The following SIK3 variants were observed in gnomAD, a reference collection of about 807,000 sequenced individuals.
The protein encoded by SIK3 is SIK family kinase 3, also known as serine/threonine-protein kinase SIK3.
SIK3 carries 28 observed loss-of-function variants against 144.2 expected under a neutral mutation model. The ratio of observed to expected loss-of-function variants is 0.19; its 90% CI spans 0.14 to 0.27. SIK3 has a LOEUF of 0.27. Among genes scored for constraint, SIK3 ranks in the 10% least tolerant of loss-of-function variants. The pLI, the probability that SIK3 is intolerant of heterozygous loss-of-function variation, is 1.00. For synonymous variants in SIK3, 686 were observed against 676.3 expected (o/e 1.01, Z -0.22); for missense variants, 1,319 against 1,776.0 (o/e 0.74, Z 4.62).
At chr11:116,976,194 A>G (rs1270459427) in intron 1 of SIK3, among the ~76,000 whole-genome samples, 2 of 152,216 alleles carry the variant, frequency 1.3e-5, no homozygotes, top group Non-Finnish European at 2.9e-5. Context: ...CTGCAGAACA[A>G]AAGTTTTTAA....
At chr11:117,063,908 C>A (rs1953907005) in intron 1 of SIK3, among the ~76,000 whole-genome samples, 1 of 151,982 alleles carries the variant, frequency 6.6e-6, no homozygotes, top group Non-Finnish European at 1.5e-5. Flanking sequence ...AAAAGACAAA[C>A]CTTGTTGGTA....
chr11:116,951,680 A>G (rs1363991283), intron 3 of SIK3, among the ~76,000 whole-genome samples: 2 of 152,152 alleles, frequency 1.3e-5, no homozygotes, highest in Admixed American at 1.3e-4. Context: ...CATGCCTATA[A>G]TCCCAACACT....
chr11:117,022,971 T>A (rs922937929), intron 1 of SIK3, among the ~76,000 whole-genome samples: 41 of 152,274 alleles, frequency 2.7e-4, no homozygotes, highest in African/African-American at 9.9e-4. Context: ...CAAGGGTTAA[T>A]ATAATAAAAA....
At chr11:116,848,922 C>T (rs1942208083) in intron 22 of SIK3, among the ~76,000 whole-genome samples, 198 bp downstream of exon 22, 1 of 152,160 alleles carries the variant, frequency 6.6e-6, no homozygotes, top group South Asian at 2.1e-4. Context: ...GATATCGCGC[C>T]ACTGTCCTCC....
chr11:116,931,543 C>T (rs1388525338), intron 3 of SIK3, among the ~76,000 whole-genome samples: 1 of 152,168 alleles, frequency 6.6e-6, no homozygotes, highest in Non-Finnish European at 1.5e-5. Context: ...TGAAAATGAA[C>T]ATACCCTGAC....
At chr11:117,091,200 CTTTTTTTTTT>C (rs386375011) in intron 1 of SIK3, among the ~76,000 whole-genome samples, 1 of 93,008 alleles carries the variant, frequency 1.1e-5, no homozygotes, top group Non-Finnish European at 2.0e-5. Context: ...TTTTTTTTTT[CTTTTTTTTTT>C]TTTTTTTTTT....
chr11:116,980,413 A>C (rs1950097780), intron 1 of SIK3, among the ~76,000 whole-genome samples: 1 of 152,218 alleles, frequency 6.6e-6, no homozygotes, highest in African/African-American at 2.4e-5. Context: ...GCCTAAAACA[A>C]AACAAAACAA....
rs536178660 is a variant in SIK3 at position 116,858,282 on chromosome 11, T to TTGCTGTTGC, written c.3174_3182dup (p.Gln1059_Gln1061dup). On this transcript the variant is annotated inframe_insertion, in exon 21 of 25. Transcript: ENST00000445177. This position sits in a 1 kb window ranked among gnomAD's most constrained non-coding sequence, Gnocchi z 5.4. Reference sequence around the variant, plus strand: ...TGTGCCTGAACAGTTCCTGGTATTCTTGCTGTTGCTGCTGTTGCTGCTGCT... The same window carrying TTGCTGTTGC: ...TGTGCCTGAACAGTTCCTGGTATTCTTGCTGTTGCTGCTGTTGCTGCTGTTGCTGCTGCT... The TTGCTGTTGC allele has an allele frequency of 8.6e-5, 138 of 1,613,402 alleles. No homozygotes were observed. Among genetic ancestry groups the TTGCTGTTGC allele is most frequent in the Non-Finnish European group, 1.2e-4 (138 of 1,179,604 alleles).
At position 117,077,291 on chromosome 11, in the gene SIK3, C is replaced by T. The variant is rs142606667; in HGVS notation, c.273+20852G>A. 1.9e-3 allele frequency among the ~76,000 whole-genome samples: 288 copies of T among 152,334 alleles called. 7 individuals carry two copies. The East Asian group carries it at 0.042, about 22-fold the overall frequency. Reference sequence around the variant, plus strand: ...TTTTTGGACCTAGCCTATGAAGCAGCACTTTGTTGACTATGAGCTTCATCC... The same window carrying T: ...TTTTTGGACCTAGCCTATGAAGCAGTACTTTGTTGACTATGAGCTTCATCC... On this transcript the variant is annotated intron_variant, in intron 1 of 24. Transcript: ENST00000445177.
chr11:116,890,776 C>T (rs566467615), intron 6 of SIK3, among the ~76,000 whole-genome samples: 10 of 151,998 alleles, frequency 6.6e-5, no homozygotes, highest in South Asian at 2.1e-4. Context: ...GATGTATTCT[C>T]GGCAGTGGGA....
chr11:116,960,046 T>C (rs1241425405), intron 1 of SIK3, among the ~76,000 whole-genome samples: 1 of 152,216 alleles, frequency 6.6e-6, no homozygotes, highest in African/African-American at 2.4e-5. Flanking sequence ...CCCATAAATA[T>C]GTACTATAAT....
chr11:116,867,988 C>T lies in SIK3; in HGVS notation c.1910G>A (p.Arg637His), dbSNP rs1401078411. ...CAGGTGAGGAGGCCAGACCCGGGAACGGAAAGGCTGCTGTCCTAGCTGCCG... is the reference window on the plus strand; with the variant it reads ...CAGGTGAGGAGGCCAGACCCGGGAATGGAAAGGCTGCTGTCCTAGCTGCCG... The part of the protein sequence containing the change: ...LQRQLGQQPF[R>H]SRVWPPHLVP... The change falls in exon 15 of 25, where the codon CGT becomes CAT. Residue 637 changes from arginine (R) to histidine (H), a missense_variant. This residue lies in a region of SIK3 where 47 missense variants were observed against 40.2 expected (regional missense o/e 1.17). Coordinates refer to ENST00000445177, the MANE Select transcript of SIK3 (RefSeq NM_001366686.3). This position sits in a 1 kb window ranked among gnomAD's most constrained non-coding sequence, Gnocchi z 4.1. The T allele has an allele frequency of 2.6e-6, 4 of 1,549,984 alleles. No individual in the cohort carries two copies. Among genetic ancestry groups the T allele is most frequent in the Middle Eastern group, 1.7e-4 (1 of 6,010 alleles).
chr11:116,864,710 A>C (rs563188686), intron 15 of SIK3: 3 of 152,418 alleles, frequency 2.0e-5, no homozygotes, highest in African/African-American at 4.8e-5. Flanking sequence ...GCAGCATTCC[A>C]GTAGCAGATG....
At chr11:117,090,507 G>C (rs1268358178) in intron 1 of SIK3, among the ~76,000 whole-genome samples, 1 of 152,136 alleles carries the variant, frequency 6.6e-6, no homozygotes, top group Admixed American at 6.6e-5. Context: ...ACCATCCCTG[G>C]AAAGTGTTAG....
intron 21 of SIK3, among the ~76,000 whole-genome samples, chr11:116,853,878 G>A (rs1434850575): frequency 2.0e-5 from 3 of 152,212 alleles, no homozygotes. Flanking sequence ...AGGGTGGCAG[G>A]CAGGGAGATT....
At chr11:116,920,029 A>C in intron 4 of SIK3, among the ~76,000 whole-genome samples, 1 of 151,616 alleles carries the variant, frequency 6.6e-6, no homozygotes, top group East Asian at 1.9e-4. Flanking sequence ...CCGTCTCCAT[A>C]CTGAATTGGA....
chr11:117,044,617 A>G, intron 1 of SIK3, among the ~76,000 whole-genome samples: 1 of 53,018 alleles, frequency 1.9e-5, no homozygotes, highest in African/African-American at 3.3e-5. Flanking sequence ...ATCACCAAGA[A>G]AAAAAAAAAA....
chr11:117,003,918 A>C (rs778838769), intron 1 of SIK3, among the ~76,000 whole-genome samples: 2 of 152,208 alleles, frequency 1.3e-5, no homozygotes, highest in Non-Finnish European at 2.9e-5. Flanking sequence ...TAAAACAAAC[A>C]AACAAAAAAC....
intron 6 of SIK3, among the ~76,000 whole-genome samples, chr11:116,894,856 T>C (rs1429203999): frequency 5.9e-5 from 9 of 152,236 alleles, no homozygotes; most frequent in East Asian, 5.8e-4. Context: ...ATCTGGACTA[T>C]TGTAAAAGTC....
Sources: allele counts gnomAD v4.1 joint callset (sites outside exome capture counted in the v4.1 genomes callset), GRCh38; gene constraint gnomAD v4.1.1; regional missense constraint gnomAD v4.1.1; non-coding constraint Gnocchi (gnomAD v3.1); transcripts MANE v1.5; gene names NCBI Gene and HGNC (gene_info 2026-07-23, HGNC 2026-07-21).